CFAP61: variants seen among roughly 807,000 people sequenced by gnomAD.
The protein encoded by CFAP61 is cilia- and flagella-associated protein 61.
Under a neutral mutation model 135.6 loss-of-function variants are expected in CFAP61, and 107 were observed. The observed-to-expected ratio is 0.79, with a 90% confidence interval of 0.67 to 0.93. CFAP61 has a LOEUF of 0.93. CFAP61 is among the 40% of genes least tolerant of loss of function. The probability of loss-of-function intolerance (pLI) is 0.00; values close to 1 mark genes in which losing one functional copy is unlikely to be tolerated. For missense variants in CFAP61, 1,507 were observed against 1,556.2 expected (o/e 0.97, Z 0.53); for synonymous variants, 575 against 578.5 (o/e 0.99, Z 0.09).
intron 9 of CFAP61, 70 bp downstream of exon 9, chr20:20,143,018 C>A (rs1031622049): frequency 2.2e-6 from 2 of 896,450 alleles, no homozygotes; most frequent in Non-Finnish European, 3.5e-6. Context: ...ACATCAGGGG[C>A]ATCTCTGGTG....
At chr20:20,073,272 T>C (rs2045846951) in intron 3 of CFAP61, among the ~76,000 whole-genome samples, 1 of 152,268 alleles carries the variant, frequency 6.6e-6, no homozygotes, top group Non-Finnish European at 1.5e-5. Context: ...TCGTCATCGT[T>C]ATCTGGACTT....
chr20:20,162,685 G>T (rs912354538), intron 10 of CFAP61, among the ~76,000 whole-genome samples: 2 of 152,122 alleles, frequency 1.3e-5, no homozygotes, highest in Non-Finnish European at 2.9e-5. Flanking sequence ...GATTAGAGGG[G>T]AGAAAAAAGG....
chr20:20,251,517 GA>G, intron 19 of CFAP61, 77 bp from the exon 20 acceptor site: 2 of 1,438,986 alleles, frequency 1.4e-6, no homozygotes, highest in Non-Finnish European at 1.9e-6. Flanking sequence ...TAGGGGACTT[GA>G]ACCAGCTCAC....
chr20:20,212,572 A>G (rs1176763968), intron 17 of CFAP61, among the ~76,000 whole-genome samples: 1 of 152,002 alleles, frequency 6.6e-6, no homozygotes, highest in East Asian at 1.9e-4. Context: ...CCACCAAACC[A>G]TGTTTCTAGG....
intron 3 of CFAP61, among the ~76,000 whole-genome samples, chr20:20,071,724 C>A (rs2045718255): frequency 6.6e-6 from 1 of 152,084 alleles, no homozygotes; most frequent in Admixed American, 6.5e-5. Flanking sequence ...AGTGAATTCA[C>A]CCCCCGTACA....
chr20:20,092,377 C>A (rs1346721419), intron 7 of CFAP61, among the ~76,000 whole-genome samples: 2 of 152,204 alleles, frequency 1.3e-5, no homozygotes, highest in Admixed American at 6.5e-5. Context: ...GCAGCCCACA[C>A]CCTCTAATTC....
intron 22 of CFAP61, among the ~76,000 whole-genome samples, chr20:20,286,449 G>A (rs1290247927): frequency 6.6e-6 from 1 of 152,242 alleles, no homozygotes; most frequent in East Asian, 1.9e-4. Flanking sequence ...GGGACAAGAA[G>A]TGTTTGTCTG....
rs779716289 is a variant in CFAP61 at position 20,288,866 on chromosome 20, T to G, written c.3054T>G (p.Leu1018=). The stretch of plus-strand genomic sequence containing the variant: ...TGCTACATCTCTTTGATCCAACCCT[T>G]GAGCCTGTGACCGAGCCACCAGCTA... The part of the protein sequence containing the change: ...AAMLHLFDPT[L]EPVTEPPANL... Residue 1018 remains leucine, a synonymous_variant, in exon 23 of 27, where the codon CTT becomes CTG. Transcript: ENST00000245957. 2 of 1,613,986 alleles carry G rather than the reference T, an allele frequency of 1.2e-6. No individual in the cohort carries two copies. The highest frequency in any genetic ancestry group is 2.2e-5 in the South Asian group (2 of 91,082).
intron 8 of CFAP61, among the ~76,000 whole-genome samples, chr20:20,134,932 A>T (rs2050804067): frequency 1.3e-5 from 2 of 151,684 alleles, no homozygotes; most frequent in African/African-American, 4.9e-5. Flanking sequence ...CTCACTAAAG[A>T]CACCCTTGTA....
Position 20,196,783 on chromosome 20 carries a change from G to GA in CFAP61, c.1797+9dup, listed in dbSNP as rs1436176853. 1.9e-6 allele frequency: 3 copies of GA among 1,611,674 alleles called. No homozygotes were observed. Among genetic ancestry groups the GA allele is most frequent in the Non-Finnish European group, 2.5e-6 (3 of 1,177,830 alleles). ...AAAATCCAGAGAAGGCAAGGTAAGA[G>GA]AATGGTGCAATTCACTTTCCCAGCA... On this transcript the variant is annotated splice_region_variant and intron_variant, in intron 16 of 26. Transcript: ENST00000245957.
chr20:20,064,231 A>G (rs1413091357), intron 2 of CFAP61, among the ~76,000 whole-genome samples: 1 of 152,212 alleles, frequency 6.6e-6, no homozygotes, highest in Non-Finnish European at 1.5e-5. Flanking sequence ...TGTAGTTTGA[A>G]GTGCGACAGG....
intron 2 of CFAP61, among the ~76,000 whole-genome samples, chr20:20,068,215 C>T (rs2045443808): frequency 6.6e-6 from 1 of 152,222 alleles, no homozygotes; most frequent in African/African-American, 2.4e-5. Context: ...ACTTCCTCCT[C>T]CCTACCATCA....
At chr20:20,145,562 G>T (rs575117583) in intron 9 of CFAP61, among the ~76,000 whole-genome samples, 1 of 152,250 alleles carries the variant, frequency 6.6e-6, no homozygotes, top group East Asian at 1.9e-4. Context: ...CAAATGTCCC[G>T]ATTAAAGATC....
At chr20:20,338,662 C>T (rs548345974) in intron 25 of CFAP61, among the ~76,000 whole-genome samples, 1 of 152,210 alleles carries the variant, frequency 6.6e-6, no homozygotes, top group Non-Finnish European at 1.5e-5. Context: ...TACCACTTCT[C>T]TTTCCCCGTA....
chr20:20,337,762 TG>T (rs969711015), intron 25 of CFAP61, among the ~76,000 whole-genome samples: 2 of 152,112 alleles, frequency 1.3e-5, no homozygotes, highest in Non-Finnish European at 2.9e-5. Flanking sequence ...ACAGGGGCTT[TG>T]GGAAAGGTGT....
In CFAP61 at chr20:20,337,501, GAT is replaced by G. The variant is rs1234915018; in HGVS notation, c.3423-4329_3423-4328del. ...GGATGGATGGATGGATAGATGGGTG[GAT>G]GGATAAATGGATGGATGGATGGATG... On this transcript the variant is annotated intron_variant, in intron 25 of 26. Transcript: ENST00000245957. Among the ~76,000 whole-genome samples, 259 of 120,354 alleles carry G rather than the reference GAT, an allele frequency of 2.2e-3. 2 individuals are homozygous for G. The highest frequency in any genetic ancestry group is 4.8e-3 in the African/African-American group (151 of 31,296). 79.0% of individuals were successfully genotyped at this position (120,354 alleles called of 152,430 possible).
intron 22 of CFAP61, among the ~76,000 whole-genome samples, chr20:20,281,467 A>C (rs1289345402): frequency 6.6e-6 from 1 of 152,086 alleles, no homozygotes; most frequent in African/African-American, 2.4e-5. Context: ...ACGGCTGTTG[A>C]ATTTTGTTAA....
In CFAP61 at chr20:20,359,146, T is replaced by C. The variant is rs1432914147; in HGVS notation, c.3514-1064T>C. Among the ~76,000 whole-genome samples, 1 of 152,232 alleles carries C rather than the reference T, an allele frequency of 6.6e-6. No homozygotes were observed. The highest frequency in any genetic ancestry group is 2.4e-5 in the African/African-American group (1 of 41,460). On this transcript the variant is annotated intron_variant, in intron 26 of 26. Coordinates refer to ENST00000245957, the MANE Select transcript of CFAP61 (RefSeq NM_015585.4). This position sits in a 1 kb window ranked among gnomAD's most constrained non-coding sequence, Gnocchi z 4.0. Reference sequence around the variant, plus strand: ...AATGAAATGTTAGGAAAATCTCTACTACACTGTACCTATGTGCAGCATAAG... The same window carrying C: ...AATGAAATGTTAGGAAAATCTCTACCACACTGTACCTATGTGCAGCATAAG...
intron 25 of CFAP61, among the ~76,000 whole-genome samples, chr20:20,332,147 A>G (rs1208402818): frequency 6.6e-6 from 1 of 152,248 alleles, no homozygotes; most frequent in Non-Finnish European, 1.5e-5. Context: ...GCAGAGCACT[A>G]AGACTCAGTC....
Sources: gnomAD v4.1 joint callset for allele counts (sites outside exome capture counted in the v4.1 genomes callset) on GRCh38, gnomAD v4.1.1 for gene constraint, Gnocchi (gnomAD v3.1) non-coding constraint, MANE v1.5 for transcripts, NCBI Gene and HGNC (gene_info 2026-07-23, HGNC 2026-07-21) for gene names.